The following CDHR3 variants were observed in gnomAD, a reference collection of about 807,000 sequenced individuals.
The protein encoded by CDHR3 is cadherin-related family member 3.
CDHR3 carries 79 observed loss-of-function variants against 86.6 expected under a neutral mutation model. That is an observed-to-expected ratio of 0.91 (90% confidence interval 0.76 to 1.10). The LOEUF (loss-of-function observed/expected upper bound fraction) is 1.10, where lower values mean the gene tolerates loss of function less well. CDHR3 is among the 50% of genes least tolerant of loss of function. CDHR3 has a pLI of 0.00. For missense variants in CDHR3, 1,081 were observed against 1,077.6 expected, an observed-to-expected ratio of 1.00 and a Z score of -0.04; for synonymous variants, 421 against 402.4, an observed-to-expected ratio of 1.05 and a Z score of -0.55.
intron 1 of CDHR3, among the ~76,000 whole-genome samples, chr7:105,971,140 C>CAAA (rs5886378): frequency 0.036 from 4,924 of 136,786 alleles, 112 homozygotes; most frequent in East Asian, 0.086. Flanking sequence ...GACTCCATTT[C>CAAA]AAAAAAAAAA....
intron 1 of CDHR3, among the ~76,000 whole-genome samples, chr7:105,973,867 T>C (rs902434227): frequency 3.3e-5 from 5 of 152,144 alleles, no homozygotes; most frequent in Non-Finnish European, 5.9e-5. Flanking sequence ...CTTGGGAGGC[T>C]GAGGCATGAG....
chr7:106,004,376 A>C, intron 7 of CDHR3, 122 bp from the exon 8 acceptor site: 1 of 734,950 alleles, frequency 1.4e-6, no homozygotes, highest in Non-Finnish European at 2.2e-6. Flanking sequence ...GTATTTGTAT[A>C]GAGATTATGC....
chr7:105,994,576 G>C (rs1009274303), intron 4 of CDHR3, among the ~76,000 whole-genome samples, 175 bp from the exon 5 acceptor site: 1 of 152,198 alleles, frequency 6.6e-6, no homozygotes, highest in Non-Finnish European at 1.5e-5. Flanking sequence ...AACAGAGCCA[G>C]AAGTTTCTGT....
At chr7:106,001,187 G>A (rs373955191) in intron 6 of CDHR3, among the ~76,000 whole-genome samples, 16 of 152,322 alleles carry the variant, frequency 1.1e-4, no homozygotes, top group African/African-American at 3.8e-4. Context: ...GATCTGAAAT[G>A]ACATCAGGCA....
intron 8 of CDHR3, among the ~76,000 whole-genome samples, chr7:106,008,674 C>T (rs148142989): frequency 4.6e-5 from 7 of 152,124 alleles, no homozygotes; most frequent in South Asian, 4.2e-4. Flanking sequence ...CACACCTTTA[C>T]GTGCATAAAT....
At position 106,001,595 on chromosome 7, in the gene CDHR3, T is replaced by G. The variant is rs1833183847; in HGVS notation, c.847T>G (p.Phe283Val). ...LYSITTVSKY[F>V]MINQLTGTIQ... Reference sequence around the variant, plus strand: ...CAGCATTACCACTGTTAGCAAATATTTCATGATAAATCAGTGTAAGCCACT... The same window carrying G: ...CAGCATTACCACTGTTAGCAAATATGTCATGATAAATCAGTGTAAGCCACT... Residue 283 changes from phenylalanine (F) to valine (V), a missense_variant, in exon 7 of 19, where the codon TTC becomes GTC. Coordinates refer to ENST00000317716, the MANE Select transcript of CDHR3 (RefSeq NM_152750.5). 3 of 1,613,944 alleles carry G rather than the reference T, an allele frequency of 1.9e-6. No individual in the cohort carries two copies. The highest frequency in any genetic ancestry group is 2.5e-6 in the Non-Finnish European group (3 of 1,179,858).
intron 2 of CDHR3, among the ~76,000 whole-genome samples, chr7:105,975,256 C>T (rs1364131680): frequency 6.6e-6 from 1 of 152,224 alleles, no homozygotes; most frequent in East Asian, 1.9e-4. Context: ...ATACAGTTTA[C>T]ATAAGCATTA....
rs760242300 is a variant in CDHR3 at position 105,969,397 on chromosome 7, C to CAAA, written c.47-5426_47-5424dup. On this transcript the variant is annotated intron_variant, in intron 1 of 18. Transcript: ENST00000317716. ...CCTGGGCGACAGCGAGACTCCGTCT[C>CAAA]AAAAAAAAAAAAAAAAAAAAAAAGT... Among the ~76,000 whole-genome samples, 461 of 79,350 alleles carry CAAA rather than the reference C, an allele frequency of 5.8e-3. 10 individuals carry two copies. The highest frequency in any genetic ancestry group is 0.014 in the African/African-American group (262 of 18,388). 52.1% of individuals were successfully genotyped at this position (79,350 alleles called of 152,430 possible).
In CDHR3 at chr7:105,975,056, A is replaced by G; in HGVS notation, c.249+10A>G. The G allele has an allele frequency of 1.9e-6, 3 of 1,597,912 alleles. No homozygotes were observed. ...AGGCACCTACTTTGAGGTAAGTAAC[A>G]ACTTACCAACATGAGTGTTGCCTGC... is the stretch of plus-strand genomic sequence containing the variant. On this transcript the variant is annotated intron_variant, in intron 2 of 18. Coordinates refer to ENST00000317716, the MANE Select transcript of CDHR3 (RefSeq NM_152750.5).
Position 105,996,409 on chromosome 7 carries a change from G to A in CDHR3, c.713+55G>A, listed in dbSNP as rs574877411. 265 of 983,282 alleles carry A rather than the reference G, an allele frequency of 2.7e-4. No individual in the cohort carries two copies. The African/African-American group carries it at 3.6e-3, about 13-fold the overall frequency. The allele number at this position is 983,282 out of a possible 1,614,324, so 60.9% of individuals were successfully genotyped here. The stretch of plus-strand genomic sequence containing the variant: ...GGCCGCAGGTGCGTCCTTCTTAGGC[G>A]GCCTCGTCTCCTCCGGCACATTTAA... On this transcript the variant is annotated intron_variant, in intron 6 of 18. Transcript: ENST00000317716.
chr7:105,991,633 G>A (rs929323548), intron 4 of CDHR3, among the ~76,000 whole-genome samples: 1 of 152,058 alleles, frequency 6.6e-6, no homozygotes, highest in African/African-American at 2.4e-5. Flanking sequence ...ATGGTTTTTT[G>A]TTGTTGCTTT....
rs771928612 is a variant in CDHR3 at position 106,032,553 on chromosome 7, GGAA to G, written c.2520_2522del (p.Glu840del). On this transcript the variant is annotated inframe_deletion, in exon 19 of 19. Coordinates refer to ENST00000317716, the MANE Select transcript of CDHR3 (RefSeq NM_152750.5). ...TGGGGTCACTGAGAAGTGCCAACTG[GGAA>G]GAAGATGAGCTGAGTGGCAAAGCGT... The G allele has an allele frequency of 1.9e-6, 3 of 1,613,992 alleles. No individual in the cohort carries two copies. Among genetic ancestry groups the G allele is most frequent in the Admixed American group, 1.7e-5 (1 of 60,022 alleles).
intron 16 of CDHR3, 145 bp from the exon 17 acceptor site, chr7:106,028,406 C>A: frequency 1.1e-6 from 1 of 875,146 alleles, no homozygotes; most frequent in South Asian, 1.5e-5. Flanking sequence ...TGTCAAGAAA[C>A]ATATCTATAG....
chr7:106,015,530 C>G (rs534981050), intron 10 of CDHR3, among the ~76,000 whole-genome samples: 10 of 152,164 alleles, frequency 6.6e-5, no homozygotes, highest in African/African-American at 2.4e-4. Flanking sequence ...CACCTCCTGT[C>G]ACTTGCTTCC....
At position 106,020,353 on chromosome 7, in the gene CDHR3, C is replaced by T; in HGVS notation, c.1654-20C>T. ...AATGAGTTTTAGCTATTGAGAATGA[C>T]CACCTTCTTGCTACTCTAGGTTACT... is the stretch of plus-strand genomic sequence containing the variant. On this transcript the variant is annotated intron_variant, in intron 12 of 18. Coordinates refer to ENST00000317716, the MANE Select transcript of CDHR3 (RefSeq NM_152750.5). 6.3e-7 allele frequency: 1 copy of T among 1,576,222 alleles called. No homozygotes were observed. The highest frequency in any genetic ancestry group is 8.6e-7 in the Non-Finnish European group (1 of 1,159,464).
chr7:106,021,455 G>C (rs759112114), intron 13 of CDHR3, among the ~76,000 whole-genome samples: 238 of 152,334 alleles, frequency 1.6e-3, no homozygotes, highest in Non-Finnish European at 2.6e-3. Context: ...GCATTTTGCT[G>C]TTAAGGGAGC....
chr7:106,020,376 A>G lies in CDHR3; in HGVS notation c.1657A>G (p.Thr553Ala). 6.2e-7 allele frequency: 1 copy of G among 1,606,504 alleles called. No individual in the cohort carries two copies. Among genetic ancestry groups the G allele is most frequent in the Non-Finnish European group, 8.5e-7 (1 of 1,175,938 alleles). The change falls in exon 13 of 19, where the codon ACT becomes GCT. Residue 553 changes from threonine (T) to alanine (A), a missense_variant. Transcript: ENST00000317716. ...GACCACCTTCTTGCTACTCTAGGTTACTGTGAACATCCTTGAAGAAAATGA... is the reference window on the plus strand; with the variant it reads ...GACCACCTTCTTGCTACTCTAGGTTGCTGTGAACATCCTTGAAGAAAATGA... ...NNEDTSSVTV[T>A]VNILEENDEK...
Position 106,033,275 on chromosome 7 carries a change from TG to T in CDHR3, c.*580del, listed in dbSNP as rs1459175880. 1 of 153,566 alleles carries T rather than the reference TG, an allele frequency of 6.5e-6. No homozygotes were observed. The highest frequency in any genetic ancestry group is 1.9e-4 in the East Asian group (1 of 5,208). The allele number at this position is 153,566 out of a possible 1,614,324, so 9.5% of individuals were successfully genotyped here. On this transcript the variant is annotated 3_prime_UTR_variant, in exon 19 of 19. Transcript: ENST00000317716. ...AGGCACCTTCTTTTGTTTTTTCTTG[TG>T]GTGTCCGGATCAGCATCCTGCATGT...
intron 1 of CDHR3, among the ~76,000 whole-genome samples, chr7:105,969,609 T>C (rs3857823): frequency 0.27 from 41,275 of 151,972 alleles, 6,185 homozygotes; most frequent in East Asian, 0.67. Flanking sequence ...AAAATCCCAG[T>C]AAAGACTCCA....
Sources: gnomAD v4.1 joint callset for allele counts (sites outside exome capture counted in the v4.1 genomes callset) on GRCh38, gnomAD v4.1.1 for gene constraint, MANE v1.5 for transcripts, NCBI Gene and HGNC (gene_info 2026-07-23, HGNC 2026-07-21) for gene names.